ETS1: variants seen among roughly 807,000 people sequenced by gnomAD.
ETS1 encodes the protein ETS proto-oncogene 1, transcription factor.
In ETS1, 15 loss-of-function variants were observed where a neutral mutation model predicts 58.6. The observed-to-expected ratio is 0.26, with a 90% CI of 0.17 to 0.39. The LOEUF (loss-of-function observed/expected upper bound fraction) is 0.39. Among genes scored for constraint, ETS1 ranks in the 10% least tolerant of loss-of-function variants. The pLI, the probability that ETS1 is intolerant of heterozygous loss-of-function variation, is 1.00. For synonymous variants in ETS1, 214 were observed against 218.2 expected (o/e 0.98, Z 0.17); for missense variants, 417 against 610.5 (o/e 0.68, Z 3.34).
chr11:128,574,975 T>C (rs1048696493), intron 1 of ETS1, among the ~76,000 whole-genome samples: 1 of 152,164 alleles, frequency 6.6e-6, no homozygotes, highest in East Asian at 1.9e-4. Context: ...CTTTTTGGAA[T>C]TCCCCCCAGT....
intron 3 of ETS1, among the ~76,000 whole-genome samples, chr11:128,512,947 C>T (rs1863429942): frequency 1.3e-5 from 2 of 152,258 alleles, no homozygotes. Context: ...TCTCCCTCCT[C>T]CAGGTGAGAA....
rs368110987 is a variant in ETS1, at chr11:128,465,829, G to A, written c.1124-2202C>T. On this transcript the variant is annotated intron_variant, in intron 8 of 9. Transcript: ENST00000392668. ...TTCCTCCCAATAATTCTGTGGGGTG[G>A]ATGCAACTGTTGTGCTATTTGTTTC... Among the ~76,000 whole-genome samples, 13 of 152,288 alleles carry A rather than the reference G, an allele frequency of 8.5e-5. No homozygotes were observed. The South Asian group carries it at 2.7e-3, about 32-fold the overall frequency.
At chr11:128,498,661 G>A (rs1311708509) in intron 3 of ETS1, among the ~76,000 whole-genome samples, 1 of 152,146 alleles carries the variant, frequency 6.6e-6, no homozygotes, top group African/African-American at 2.4e-5. Flanking sequence ...TTTGGAATCT[G>A]CCAAAACCCA....
chr11:128,512,628 C>T (rs777360375), intron 3 of ETS1, among the ~76,000 whole-genome samples: 7 of 152,244 alleles, frequency 4.6e-5, no homozygotes, highest in East Asian at 1.9e-4. Flanking sequence ...TGCTAAGCAG[C>T]GTGTGTCCAG....
chr11:128,568,537 A>G (rs975070030), intron 2 of ETS1, among the ~76,000 whole-genome samples: 13 of 152,206 alleles, frequency 8.5e-5, no homozygotes, highest in Non-Finnish European at 1.6e-4. Context: ...ATGACCAGAC[A>G]ACTTCCCAAA....
intron 8 of ETS1, among the ~76,000 whole-genome samples, chr11:128,466,174 A>G (rs1001669206): frequency 2.6e-5 from 4 of 152,238 alleles, no homozygotes; most frequent in African/African-American, 7.2e-5. Flanking sequence ...CCACCTCCAC[A>G]GGAGATATTT....
intron 3 of ETS1, chr11:128,522,008 G>C (rs374394202): frequency 1.6e-5 from 25 of 1,580,398 alleles, no homozygotes; most frequent in Non-Finnish European, 2.2e-5. Flanking sequence ...GCCAGGAGTG[G>C]GGGACGTACG....
At chr11:128,514,723 C>T (rs900496879) in intron 3 of ETS1, among the ~76,000 whole-genome samples, 2 of 152,132 alleles carry the variant, frequency 1.3e-5, no homozygotes, top group African/African-American at 4.8e-5. Context: ...TTGTCCTGAC[C>T]ACCCATCTAC....
At chr11:128,509,750 C>T (rs1180423264) in intron 3 of ETS1, among the ~76,000 whole-genome samples, 2 of 152,132 alleles carry the variant, frequency 1.3e-5, no homozygotes, top group Non-Finnish European at 2.9e-5. Context: ...TGGATTCTGT[C>T]TAAGTAGGAA....
chr11:128,564,666 G>A (rs1203950347), intron 2 of ETS1, among the ~76,000 whole-genome samples: 7 of 152,178 alleles, frequency 4.6e-5, no homozygotes, highest in Admixed American at 4.6e-4. Context: ...CTTGCTGAGA[G>A]GTCTTAGGTG....
intron 3 of ETS1, among the ~76,000 whole-genome samples, chr11:128,506,086 GC>G (rs954533537): frequency 5.6e-4 from 85 of 152,232 alleles, no homozygotes; most frequent in African/African-American, 1.9e-3. Flanking sequence ...AGGAATACGA[GC>G]CCTTCTCCTC....
intron 3 of ETS1, among the ~76,000 whole-genome samples, chr11:128,544,367 A>ATATATATATATATATG (rs1491442597): frequency 2.8e-5 from 4 of 143,606 alleles, no homozygotes; most frequent in African/African-American, 7.7e-5. Context: ...ATATATATAT[A>ATATATATATATATATG]TGGAATTTCC....
chr11:128,485,106 A>G (rs760724139), intron 6 of ETS1, 35 bp from the exon 7 acceptor site: 2 of 1,587,966 alleles, frequency 1.3e-6, no homozygotes, highest in Non-Finnish European at 1.7e-6. Flanking sequence ...AAGAGAGGAG[A>G]GATTTGTACC....
intron 7 of ETS1, among the ~76,000 whole-genome samples, chr11:128,482,746 T>A (rs2135446407): frequency 6.6e-6 from 1 of 152,294 alleles, no homozygotes; most frequent in Middle Eastern, 3.4e-3. Flanking sequence ...GCTGCGCTCA[T>A]GTAGGGAAAC....
chr11:128,536,697 G>T (rs1231874267), intron 3 of ETS1: 1 of 152,196 alleles, frequency 6.6e-6, no homozygotes, highest in African/African-American at 2.4e-5. Context: ...TGGTTGAAGG[G>T]AGCAGCCGTG....
chr11:128,508,562 A>G (rs1863304240), intron 3 of ETS1, among the ~76,000 whole-genome samples: 1 of 152,198 alleles, frequency 6.6e-6, no homozygotes, highest in African/African-American at 2.4e-5. Context: ...TCAATTACTT[A>G]CTATCAAGCA....
At chr11:128,546,464 G>C (rs750319530) in intron 3 of ETS1, among the ~76,000 whole-genome samples, 1 of 152,112 alleles carries the variant, frequency 6.6e-6, no homozygotes, top group Non-Finnish European at 1.5e-5. Context: ...TCAAGTCCCT[G>C]ATATAAAATG....
intron 3 of ETS1, chr11:128,522,173 T>C (rs1207906118): frequency 7.8e-7 from 1 of 1,274,880 alleles, no homozygotes; most frequent in East Asian, 3.2e-5. Context: ...CGCCCGGCAC[T>C]CCAGGGGAAG....
rs890920961 is a variant in ETS1 at position 128,463,738 on chromosome 11, G to C, written c.1124-111C>G. The C allele has an allele frequency of 6.3e-5, 44 of 703,534 alleles. No homozygotes were observed. Among genetic ancestry groups the C allele is most frequent in the Non-Finnish European group, 9.6e-5 (37 of 384,976 alleles). 43.6% of individuals were successfully genotyped at this position (703,534 alleles called of 1,614,324 possible). A position where few individuals can be genotyped will look rare whatever the true frequency, so the allele number is the denominator to read the frequency against. Reference sequence around the variant, plus strand: ...CTCTTCTCTCAGCCCATCCAGCCAGGAGAAAATGAAGGCAACAGACAGTGC... The same window carrying C: ...CTCTTCTCTCAGCCCATCCAGCCAGCAGAAAATGAAGGCAACAGACAGTGC... On this transcript the variant is annotated intron_variant, in intron 8 of 9. Coordinates refer to ENST00000392668, the MANE Select transcript of ETS1 (RefSeq NM_001143820.2). This position sits in a 1 kb window ranked among gnomAD's most constrained non-coding sequence, Gnocchi z 4.1.
Sources: allele counts gnomAD v4.1 joint callset (sites outside exome capture counted in the v4.1 genomes callset), GRCh38; gene constraint gnomAD v4.1.1; non-coding constraint Gnocchi (gnomAD v3.1); transcripts MANE v1.5; gene names NCBI Gene and HGNC (gene_info 2026-07-23, HGNC 2026-07-21).